TRIM5: variants seen among roughly 807,000 people sequenced by gnomAD.
The protein encoded by TRIM5 is tripartite motif containing 5.
A neutral mutation model predicts 35.6 loss-of-function variants in TRIM5; 31 were observed. That is an observed-to-expected ratio of 0.87 (90% confidence interval 0.65 to 1.18). The LOEUF (loss-of-function observed/expected upper bound fraction) is 1.18, where lower values mean the gene tolerates loss of function less well. TRIM5 is among the 50% of genes most tolerant of loss of function. TRIM5 has a pLI of 0.00. For missense variants in TRIM5, 609 were observed against 591.6 expected, an observed-to-expected ratio of 1.03 and a Z score of -0.31; for synonymous variants, 243 against 215.6, an observed-to-expected ratio of 1.13 and a Z score of -1.11.
At chr11:5,632,244 A>G in the TRIM5 span, 1 of 1,585,136 alleles carries the variant, frequency 6.3e-7, no homozygotes, top group Non-Finnish European at 8.6e-7. Flanking sequence ...ATCCCCTTTC[A>G]ATCTTCTCAG....
chr11:5,681,728 G>A (rs1852465275), intron 1 of TRIM5, among the ~76,000 whole-genome samples: 1 of 113,634 alleles, frequency 8.8e-6, no homozygotes. Flanking sequence ...GAAAGGCCTG[G>A]GCAAAACTCT....
At chr11:5,654,986 T>C in the TRIM5 span, among the ~76,000 whole-genome samples, 1 of 149,950 alleles carries the variant, frequency 6.7e-6, no homozygotes, top group Non-Finnish European at 1.5e-5. Context: ...AGGTCAGGAG[T>C]TCAAGATCAG....
chr11:5,642,300 A>G, the TRIM5 span: 4 of 962,780 alleles, frequency 4.2e-6, no homozygotes, highest in Non-Finnish European at 6.2e-6. Context: ...GCTCAGGGAG[A>G]AGGGTTCAAG....
chr11:5,663,157 CAAAA>C, downstream of TRIM5: 1 of 774,188 alleles, frequency 1.3e-6, no homozygotes, highest in Non-Finnish European at 1.6e-6. Flanking sequence ...AACAAACAAA[CAAAA>C]AAGCCCAACA....
the TRIM5 span, among the ~76,000 whole-genome samples, chr11:5,632,087 C>T: frequency 6.6e-6 from 1 of 152,142 alleles, no homozygotes; most frequent in Non-Finnish European, 1.5e-5. Flanking sequence ...AGTGCAAAAG[C>T]CTTGAGGCAT....
At chr11:5,601,053 A>G in the TRIM5 span, among the ~76,000 whole-genome samples, 1 of 152,224 alleles carries the variant, frequency 6.6e-6, no homozygotes, top group Non-Finnish European at 1.5e-5. Flanking sequence ...TGAAGATATA[A>G]GGTCTCAACT....
chr11:5,617,950 C>T, the TRIM5 span, among the ~76,000 whole-genome samples: 2 of 148,954 alleles, frequency 1.3e-5, no homozygotes, highest in East Asian at 3.9e-4. Flanking sequence ...CAGCAAAATT[C>T]AGAGGCAACA....
intron 5 of TRIM5, 190 bp from the exon 6 acceptor site, chr11:5,666,271 T>C (rs1851130819): frequency 1.5e-6 from 1 of 669,804 alleles, no homozygotes; most frequent in Non-Finnish European, 2.7e-6. Flanking sequence ...TCCCACTTAC[T>C]TTCTGTGAGA....
chr11:5,636,910 G>A, the TRIM5 span, among the ~76,000 whole-genome samples: 2 of 152,188 alleles, frequency 1.3e-5, no homozygotes, highest in Non-Finnish European at 1.5e-5. Context: ...ACTTTGGGAG[G>A]CCGAGGTGGG....
the TRIM5 span, chr11:5,645,772 G>T: frequency 4.7e-6 from 1 of 214,788 alleles, no homozygotes; most frequent in Non-Finnish European, 8.9e-6. Context: ...ATTGTATGTT[G>T]ATTCTCTGGA....
the TRIM5 span, chr11:5,632,756 T>C: frequency 1.9e-6 from 3 of 1,595,750 alleles, no homozygotes; most frequent in South Asian, 1.1e-5. Flanking sequence ...GAATGTCAGG[T>C]AGGGCCCTAG....
the TRIM5 span, among the ~76,000 whole-genome samples, chr11:5,654,193 G>A: frequency 1.3e-5 from 2 of 151,894 alleles, no homozygotes; most frequent in South Asian, 4.1e-4. Context: ...TTGAAGAATT[G>A]TGTTCCTTTG....
chr11:5,604,178 G>C, the TRIM5 span, among the ~76,000 whole-genome samples: 1 of 131,090 alleles, frequency 7.6e-6, no homozygotes, highest in Non-Finnish European at 1.8e-5. Flanking sequence ...GTGTGTGTGC[G>C]TGTGTGTGTG....
the TRIM5 span, among the ~76,000 whole-genome samples, chr11:5,635,388 G>A: frequency 6.6e-6 from 1 of 151,724 alleles, no homozygotes; most frequent in Non-Finnish European, 1.5e-5. Context: ...CCGAGTAGCT[G>A]GGACTACAGG....
the TRIM5 span, among the ~76,000 whole-genome samples, chr11:5,645,058 G>C: frequency 6.6e-6 from 1 of 152,164 alleles, no homozygotes; most frequent in Admixed American, 6.5e-5. Flanking sequence ...AAAAATTTAA[G>C]TTAGTACAAC....
At chr11:5,592,734 T>A in the TRIM5 span, among the ~76,000 whole-genome samples, 1 of 151,024 alleles carries the variant, frequency 6.6e-6, no homozygotes, top group African/African-American at 2.4e-5. Context: ...CTGGGCAACA[T>A]AATGAAATCC....
the TRIM5 span, among the ~76,000 whole-genome samples, chr11:5,630,980 C>T: frequency 6.6e-6 from 1 of 152,198 alleles, no homozygotes; most frequent in African/African-American, 2.4e-5. Context: ...GTGGATTTAA[C>T]ACAGACAGAA....
chr11:5,592,800 T>G, the TRIM5 span, among the ~76,000 whole-genome samples: 1 of 150,306 alleles, frequency 6.7e-6, no homozygotes, highest in Non-Finnish European at 1.5e-5. Context: ...GCCCTTAGTC[T>G]CAGCTACTTG....
the TRIM5 span, chr11:5,642,769 T>C: frequency 6.2e-7 from 1 of 1,612,612 alleles, no homozygotes; most frequent in Non-Finnish European, 8.5e-7. Flanking sequence ...GTATCAGTGC[T>C]TACTCCTTTG....
Sources: allele counts gnomAD v4.1 joint callset (sites outside exome capture counted in the v4.1 genomes callset), GRCh38; gene constraint gnomAD v4.1.1; transcripts MANE v1.5; gene names NCBI Gene and HGNC (gene_info 2026-07-23, HGNC 2026-07-21).